Variants in SMYD3 observed in about 807,000 individuals in gnomAD.
The protein encoded by SMYD3 is SET and MYND domain containing 3.
Under a neutral mutation model 57.7 loss-of-function variants are expected in SMYD3, and 36 were observed. The observed-to-expected ratio is 0.62, with a 90% CI of 0.48 to 0.82. The LOEUF is 0.82. Among genes scored for constraint, SMYD3 ranks in the 40% least tolerant of loss-of-function variants. SMYD3 has a pLI of 0.00. For synonymous variants in SMYD3, 211 were observed against 195.0 expected (o/e 1.08, Z -0.68); for missense variants, 515 against 538.8 (o/e 0.96, Z 0.44).
At chr1:246,139,188 T>G (rs566535961) in intron 5 of SMYD3, among the ~76,000 whole-genome samples, 3 of 152,220 alleles carry the variant, frequency 2.0e-5, no homozygotes, top group African/African-American at 7.2e-5. Flanking sequence ...TAATTGTTCA[T>G]AGACCAAAGA....
intron 5 of SMYD3, among the ~76,000 whole-genome samples, chr1:246,079,335 C>G (rs2060599346): frequency 6.6e-6 from 1 of 152,152 alleles, no homozygotes; most frequent in Admixed American, 6.5e-5. Context: ...GTTTGTACTT[C>G]TGAACAATTT....
Position 246,218,142 on chromosome 1 carries a change from T to C in SMYD3, c.531+109059A>G, listed in dbSNP as rs146626287. Among the ~76,000 whole-genome samples the C allele has an allele frequency of 4.3e-3, 655 of 152,024 alleles. 10 individuals carry two copies. Among genetic ancestry groups the C allele is most frequent in the African/African-American group, 0.014 (598 of 41,442 alleles). Reference sequence around the variant, plus strand: ...GTCAAAAAAAGAAAGTAGACAAGAATACGTACACTCTGACATGAGTAAAGT... The same window carrying C: ...GTCAAAAAAAGAAAGTAGACAAGAACACGTACACTCTGACATGAGTAAAGT... On this transcript the variant is annotated intron_variant, in intron 5 of 11. Transcript: ENST00000490107.
rs111315060 is a variant in SMYD3, at chr1:246,138,442, C to T, written c.531+188759G>A. Among the ~76,000 whole-genome samples, 1,144 of 148,586 alleles carry T rather than the reference C, an allele frequency of 7.7e-3. 14 individuals carry two copies. Among genetic ancestry groups the T allele is most frequent in the African/African-American group, 0.026 (1,068 of 40,978 alleles). On this transcript the variant is annotated intron_variant, in intron 5 of 11. Transcript: ENST00000490107. ...ATTTATTTATTTATTTATTTTTTTT[C>T]TGAGACGGAGTCTCGCTCTGTCGCC...
chr1:245,910,326 C>T (rs1338348257), intron 8 of SMYD3, among the ~76,000 whole-genome samples: 2 of 151,922 alleles, frequency 1.3e-5, no homozygotes, highest in Admixed American at 6.6e-5. Context: ...GAAAGATAGC[C>T]CATGTGGATT....
intron 10 of SMYD3, among the ~76,000 whole-genome samples, chr1:245,812,700 C>CAAAAAAAAAAAAAAAAAAAA (rs201426225): frequency 1.1e-4 from 5 of 46,586 alleles, no homozygotes; most frequent in African/African-American, 2.2e-4. Context: ...AACAACAGTT[C>CAAAAAAAAAAAAAAAAAAAA]CAAAAAAAAA....
chr1:245,786,208 G>T (rs367988030), intron 10 of SMYD3, among the ~76,000 whole-genome samples: 2 of 103,830 alleles, frequency 1.9e-5, no homozygotes, highest in African/African-American at 9.8e-5. Flanking sequence ...GAGTTGGGGT[G>T]TGGACGGGGG....
At chr1:246,297,377 G>A (rs2064815518) in intron 5 of SMYD3, among the ~76,000 whole-genome samples, 1 of 152,136 alleles carries the variant, frequency 6.6e-6, no homozygotes, top group South Asian at 2.1e-4. Flanking sequence ...CATTTAGGAT[G>A]TAACTAGTTA....
chr1:245,929,481 G>A (rs1308124391), intron 6 of SMYD3, among the ~76,000 whole-genome samples: 2 of 152,136 alleles, frequency 1.3e-5, no homozygotes, highest in Non-Finnish European at 1.5e-5. Context: ...GTGCCAACTC[G>A]AAAGACAACA....
At chr1:246,272,473 GA>G (rs2064240109) in intron 5 of SMYD3, among the ~76,000 whole-genome samples, 1 of 152,086 alleles carries the variant, frequency 6.6e-6, no homozygotes, top group Non-Finnish European at 1.5e-5. Context: ...TGTGTTCAGT[GA>G]TTTTTGTCAT....
intron 8 of SMYD3, among the ~76,000 whole-genome samples, chr1:245,893,957 C>A (rs1389885301): frequency 6.6e-6 from 1 of 152,172 alleles, no homozygotes; most frequent in African/African-American, 2.4e-5. Flanking sequence ...GCTCCCGTTG[C>A]CTCATCTGTA....
At chr1:246,120,160 T>A (rs2061403536) in intron 5 of SMYD3, among the ~76,000 whole-genome samples, 1 of 152,164 alleles carries the variant, frequency 6.6e-6, no homozygotes, top group African/African-American at 2.4e-5. Flanking sequence ...CCTTTGAGGA[T>A]AAGGATGGTC....
chr1:246,504,545 A>T (rs1350484875), intron 1 of SMYD3, among the ~76,000 whole-genome samples: 1 of 152,226 alleles, frequency 6.6e-6, no homozygotes, highest in Non-Finnish European at 1.5e-5. Flanking sequence ...TCTTTCGCTG[A>T]CCAAAATGTC....
At chr1:246,204,617 C>T (rs748771553) in intron 5 of SMYD3, among the ~76,000 whole-genome samples, 1 of 152,226 alleles carries the variant, frequency 6.6e-6, no homozygotes, top group Non-Finnish European at 1.5e-5. Context: ...TCTGGACCAT[C>T]ATGTCACATA....
At chr1:245,837,935 C>G (rs1468323754) in intron 10 of SMYD3, among the ~76,000 whole-genome samples, 1 of 152,204 alleles carries the variant, frequency 6.6e-6, no homozygotes, top group African/African-American at 2.4e-5. Flanking sequence ...CGGCATAACA[C>G]AATGGAATGT....
intron 10 of SMYD3, among the ~76,000 whole-genome samples, chr1:245,780,809 A>G (rs190140597): frequency 1.3e-3 from 202 of 152,378 alleles, no homozygotes; most frequent in Admixed American, 2.8e-3. Flanking sequence ...GTGAATGTTT[A>G]CAGCAGCATT....
intron 7 of SMYD3, among the ~76,000 whole-genome samples, chr1:245,927,536 G>A (rs1236741013): frequency 6.6e-6 from 1 of 152,138 alleles, no homozygotes; most frequent in Non-Finnish European, 1.5e-5. Flanking sequence ...AAGTCTTGGG[G>A]ATCCCACTCA....
At chr1:246,185,104 A>G (rs1437475964) in intron 5 of SMYD3, among the ~76,000 whole-genome samples, 1 of 152,242 alleles carries the variant, frequency 6.6e-6, no homozygotes, top group Non-Finnish European at 1.5e-5. Context: ...ATCATTTTCT[A>G]TAAGCACTAA....
intron 5 of SMYD3, among the ~76,000 whole-genome samples, chr1:246,288,062 CTTTTTTTTTTTTTTT>C (rs67603439): frequency 9.3e-5 from 6 of 64,218 alleles, no homozygotes; most frequent in African/African-American, 2.7e-4. Context: ...TCAGGTAATT[CTTTTTTTTTTTTTTT>C]TTTTTTTTTT....
intron 5 of SMYD3, among the ~76,000 whole-genome samples, chr1:246,232,872 T>A (rs1170116897): frequency 3.8e-5 from 5 of 133,218 alleles, no homozygotes; most frequent in Admixed American, 2.4e-4. Flanking sequence ...CAATTCACAC[T>A]GTGATGAACA....
Sources: allele counts gnomAD v4.1 joint callset (sites outside exome capture counted in the v4.1 genomes callset), GRCh38; gene constraint gnomAD v4.1.1; transcripts MANE v1.5; gene names NCBI Gene and HGNC (gene_info 2026-07-23, HGNC 2026-07-21).